SNTB1: variants seen among roughly 807,000 people sequenced by gnomAD.
SNTB1 encodes beta-1-syntrophin.
In SNTB1, 36 loss-of-function variants were observed where a neutral mutation model predicts 48.9. The observed-to-expected ratio is 0.74, with a 90% CI of 0.56 to 0.97. SNTB1 has a LOEUF of 0.97. Among genes scored for constraint, SNTB1 ranks in the 50% least tolerant of loss-of-function variants. The pLI, the probability that SNTB1 is intolerant of heterozygous loss-of-function variation, is 0.00. For missense variants in SNTB1, 786 were observed against 703.4 expected (o/e 1.12, Z -1.33); for synonymous variants, 299 against 294.6 (o/e 1.01, Z -0.15).
chr8:120,712,314 C>T (rs1013618463), intron 1 of SNTB1, among the ~76,000 whole-genome samples: 5 of 149,610 alleles, frequency 3.3e-5, no homozygotes, highest in African/African-American at 1.2e-4. Context: ...ACTCAGGAGG[C>T]TGAGGCAGGA....
At chr8:120,559,287 TAG>T (rs1815615634) in intron 4 of SNTB1, among the ~76,000 whole-genome samples, 1 of 152,184 alleles carries the variant, frequency 6.6e-6, no homozygotes, top group African/African-American at 2.4e-5. Flanking sequence ...TTTAGGGAGG[TAG>T]AGTTACCTTC....
At chr8:120,547,433 TA>T (rs1279909746) in intron 5 of SNTB1, among the ~76,000 whole-genome samples, 191 of 151,672 alleles carry the variant, frequency 1.3e-3, no homozygotes, top group African/African-American at 4.4e-3. Context: ...CCATCTCTAC[TA>T]AAAAATACAA....
chr8:120,776,346 T>C (rs977311723), intron 1 of SNTB1: 2 of 152,226 alleles, frequency 1.3e-5, no homozygotes, highest in Non-Finnish European at 2.9e-5. Flanking sequence ...TTATATTCCA[T>C]GGCTGCTTCC....
chr8:120,685,611 T>C (rs962226769), intron 2 of SNTB1, among the ~76,000 whole-genome samples: 1 of 152,338 alleles, frequency 6.6e-6, no homozygotes, highest in Middle Eastern at 3.4e-3. Context: ...TCTTCCATTG[T>C]CTTGATGAAT....
At chr8:120,734,683 C>T (rs1358651560) in intron 1 of SNTB1, among the ~76,000 whole-genome samples, 1 of 152,136 alleles carries the variant, frequency 6.6e-6, no homozygotes, top group Non-Finnish European at 1.5e-5. Context: ...TACCCCAGAA[C>T]CAGAAGGATG....
chr8:120,787,681 T>A (rs10086173), intron 1 of SNTB1, among the ~76,000 whole-genome samples: 1 of 151,754 alleles, frequency 6.6e-6, no homozygotes, highest in Non-Finnish European at 1.5e-5. Flanking sequence ...AGACAAAAAT[T>A]ACAAAAAAAT....
chr8:120,581,464 C>T (rs774826054), intron 3 of SNTB1, among the ~76,000 whole-genome samples: 3 of 151,996 alleles, frequency 2.0e-5, no homozygotes, highest in Non-Finnish European at 4.4e-5. Flanking sequence ...ATTAGCGGGG[C>T]ATGGTGGTGC....
chr8:120,598,372 G>A (rs945145927), intron 3 of SNTB1, among the ~76,000 whole-genome samples: 2 of 152,062 alleles, frequency 1.3e-5, no homozygotes, highest in South Asian at 2.1e-4. Context: ...TTCTTTATGC[G>A]AGGCCAAACT....
intron 3 of SNTB1, among the ~76,000 whole-genome samples, chr8:120,613,717 T>C (rs1816663721): frequency 6.6e-6 from 1 of 152,236 alleles, no homozygotes; most frequent in Non-Finnish European, 1.5e-5. Flanking sequence ...AGAATTACCA[T>C]GTATCCGGTA....
At chr8:120,637,579 T>G in intron 2 of SNTB1, 1 of 199,972 alleles carries the variant, frequency 5.0e-6, no homozygotes, top group Non-Finnish European at 1.0e-5. Flanking sequence ...CAAAGTGTTA[T>G]GTGCAAAATT....
chr8:120,547,606 A>C (rs1035449434), intron 5 of SNTB1, among the ~76,000 whole-genome samples: 1 of 152,028 alleles, frequency 6.6e-6, no homozygotes, highest in Admixed American at 6.6e-5. Flanking sequence ...AAAAAAAAAA[A>C]AAAAAAACAA....
intron 5 of SNTB1, among the ~76,000 whole-genome samples, chr8:120,542,567 T>C (rs1234980518): frequency 6.6e-6 from 1 of 152,158 alleles, no homozygotes; most frequent in Non-Finnish European, 1.5e-5. Flanking sequence ...GGCAGGAGAA[T>C]GGCTTGAACT....
chr8:120,694,595 C>T (rs1321928211), intron 1 of SNTB1, among the ~76,000 whole-genome samples: 1 of 151,120 alleles, frequency 6.6e-6, no homozygotes, highest in Non-Finnish European at 1.5e-5. Flanking sequence ...CTCTTTCTCT[C>T]TCTCTATATA....
At chr8:120,544,863 A>G (rs958833703) in intron 5 of SNTB1, among the ~76,000 whole-genome samples, 1 of 150,378 alleles carries the variant, frequency 6.6e-6, no homozygotes, top group Admixed American at 6.7e-5. Context: ...CTCCTACAAG[A>G]CTTCAACAAT....
intron 4 of SNTB1, among the ~76,000 whole-genome samples, chr8:120,556,665 G>C (rs1815572119): frequency 6.6e-6 from 1 of 152,294 alleles, no homozygotes; most frequent in South Asian, 2.1e-4. Flanking sequence ...GACAAGATAA[G>C]ATTAAGATCC....
chr8:120,603,445 T>C (rs1416742830), intron 3 of SNTB1, among the ~76,000 whole-genome samples: 1 of 152,212 alleles, frequency 6.6e-6, no homozygotes, highest in Non-Finnish European at 1.5e-5. Flanking sequence ...ACTTTTCTTT[T>C]CCTTTCTTTT....
chr8:120,636,596 T>C (rs1587050993), intron 2 of SNTB1, among the ~76,000 whole-genome samples: 1 of 148,954 alleles, frequency 6.7e-6, no homozygotes, highest in African/African-American at 2.5e-5. Flanking sequence ...GGCTGCATAG[T>C]ATTCCATGGT....
At chr8:120,670,352 G>C (rs771746401) in intron 2 of SNTB1, among the ~76,000 whole-genome samples, 1 of 152,106 alleles carries the variant, frequency 6.6e-6, no homozygotes, top group Non-Finnish European at 1.5e-5. Context: ...TAATACCTTC[G>C]TCTTCATACG....
At chr8:120,777,853 T>C (rs796912411) in intron 1 of SNTB1, among the ~76,000 whole-genome samples, 27 of 152,310 alleles carry the variant, frequency 1.8e-4, no homozygotes, top group African/African-American at 6.3e-4. Flanking sequence ...TTAGACAATA[T>C]GAGGGCAAGA....
Sources: gnomAD v4.1 joint callset for allele counts (sites outside exome capture counted in the v4.1 genomes callset) on GRCh38, gnomAD v4.1.1 for gene constraint, MANE v1.5 for transcripts, NCBI Gene and HGNC (gene_info 2026-07-23, HGNC 2026-07-21) for gene names.